The following AVEN variants were observed in gnomAD, a reference collection of about 807,000 sequenced individuals.
AVEN encodes apoptosis and caspase activation inhibitor.
AVEN carries 41 observed loss-of-function variants against 38.1 expected under a neutral mutation model. That is an observed-to-expected ratio of 1.08 (90% CI 0.84 to 1.40). The LOEUF (loss-of-function observed/expected upper bound fraction) is 1.40, where lower values mean the gene tolerates loss of function less well. Among genes scored for constraint, AVEN ranks in the 40% most tolerant of loss-of-function variants. The pLI is 0.00. For missense variants in AVEN, 605 were observed against 438.8 expected (o/e 1.38, Z -3.38); for synonymous variants, 206 against 171.8 (o/e 1.20, Z -1.56).
intron 2 of AVEN, chr15:33,991,090 TTA>T (rs1896701683): frequency 1.3e-5 from 2 of 151,594 alleles, no homozygotes; most frequent in African/African-American, 4.9e-5. Context: ...CATAATTATT[TTA>T]TGTCTAATCT....
intron 1 of AVEN, among the ~76,000 whole-genome samples, chr15:34,071,334 T>G (rs1900620290): frequency 6.6e-6 from 1 of 152,132 alleles, no homozygotes; most frequent in African/African-American, 2.4e-5. Flanking sequence ...TCACCTAGAG[T>G]GGAGTGCAAT....
chr15:33,904,714 T>TACACACACACACACAC (rs201939919), intron 2 of AVEN, among the ~76,000 whole-genome samples: 299 of 142,710 alleles, frequency 2.1e-3, no homozygotes, highest in African/African-American at 7.1e-3. Context: ...TATATATATA[T>TACACACACACACACAC]ATACACACAC....
intron 2 of AVEN, among the ~76,000 whole-genome samples, chr15:33,955,940 G>C (rs1894935112): frequency 6.6e-6 from 1 of 152,122 alleles, no homozygotes; most frequent in Non-Finnish European, 1.5e-5. Flanking sequence ...TTAAATTTAA[G>C]ACAACTGAAG....
At chr15:33,961,811 T>C (rs1366666990) in intron 2 of AVEN, among the ~76,000 whole-genome samples, 1 of 19,694 alleles carries the variant, frequency 5.1e-5, no homozygotes, top group African/African-American at 2.2e-4. Context: ...AGACTCTGTC[T>C]CAAAAAAAAA....
intron 2 of AVEN, among the ~76,000 whole-genome samples, chr15:33,913,674 CCT>C (rs1171127848): frequency 6.6e-6 from 1 of 152,048 alleles, no homozygotes; most frequent in African/African-American, 2.4e-5. Flanking sequence ...GAAAACCAGC[CCT>C]CTGAGTCATA....
rs1895858082 is a variant in AVEN at position 33,975,788 on chromosome 15, G to A, written c.445+27244C>T. Among the ~76,000 whole-genome samples, 8 of 152,236 alleles carry A rather than the reference G, an allele frequency of 5.3e-5. No individual in the cohort carries two copies. In the South Asian group the frequency reaches 1.7e-3, roughly 32 times the overall value. On this transcript the variant is annotated intron_variant, in intron 2 of 5. Transcript: ENST00000306730. ...CTACTGAGAATACAAAAATTAGCCGGGCGTGGTGGCACATGCCTGTAGTCC... is the reference window on the plus strand; with the variant it reads ...CTACTGAGAATACAAAAATTAGCCGAGCGTGGTGGCACATGCCTGTAGTCC...
chr15:33,990,125 A>G (rs1180038554), intron 2 of AVEN, among the ~76,000 whole-genome samples: 1 of 151,994 alleles, frequency 6.6e-6, no homozygotes, highest in Non-Finnish European at 1.5e-5. Context: ...AATCACTTGA[A>G]CCTGGGAGGC....
chr15:33,894,256 A>G (rs1567400682), intron 2 of AVEN, among the ~76,000 whole-genome samples: 1 of 151,986 alleles, frequency 6.6e-6, no homozygotes, highest in Non-Finnish European at 1.5e-5. Flanking sequence ...GACTGATGCC[A>G]AGAATTTTAA....
intron 2 of AVEN, among the ~76,000 whole-genome samples, chr15:33,932,746 AC>A (rs1399824091): frequency 1.3e-5 from 2 of 151,812 alleles, no homozygotes; most frequent in Non-Finnish European, 2.9e-5. Context: ...AATTGCTTGA[AC>A]CCTAGAGATG....
intron 2 of AVEN, among the ~76,000 whole-genome samples, chr15:33,971,499 A>G (rs1402493154): frequency 6.6e-6 from 1 of 152,080 alleles, no homozygotes; most frequent in Non-Finnish European, 1.5e-5. Flanking sequence ...AAATGAACAC[A>G]TCCATTTCGT....
chr15:33,964,394 G>A (rs1895310386), intron 2 of AVEN, among the ~76,000 whole-genome samples: 4 of 152,108 alleles, frequency 2.6e-5, no homozygotes, highest in Admixed American at 2.6e-4. Flanking sequence ...TGAAAAAAGT[G>A]GGTGCTATGG....
chr15:33,914,160 A>ACC (rs35840258), intron 2 of AVEN, among the ~76,000 whole-genome samples: 4,445 of 150,810 alleles, frequency 0.029, 258 homozygotes, highest in African/African-American at 0.1. Flanking sequence ...ATTTAATATA[A>ACC]CCCCCCCCCA....
upstream of AVEN, among the ~76,000 whole-genome samples, chr15:34,043,906 A>G (rs1899583366): frequency 3.3e-5 from 5 of 152,214 alleles, no homozygotes; most frequent in South Asian, 8.3e-4. Flanking sequence ...TCCTGTTAGT[A>G]TAGAGGGGTC....
chr15:33,957,405 A>G (rs1459415452), intron 2 of AVEN, among the ~76,000 whole-genome samples: 1 of 152,224 alleles, frequency 6.6e-6, no homozygotes, highest in African/African-American at 2.4e-5. Context: ...ATTTGACTAC[A>G]TTACAACCAC....
At chr15:33,968,087 C>A (rs1164966315) in intron 2 of AVEN, among the ~76,000 whole-genome samples, 2 of 28,802 alleles carry the variant, frequency 6.9e-5, no homozygotes, top group Non-Finnish European at 1.1e-4. Flanking sequence ...GTGAATAATG[C>A]CTAGCAAAGC....
chr15:33,986,092 AT>A (rs373045011), intron 2 of AVEN, among the ~76,000 whole-genome samples: 140,840 of 150,900 alleles, frequency 0.93, 66,313 homozygotes, highest in Non-Finnish European at 1. Flanking sequence ...TTCACTGTAA[AT>A]TTTTTTTTTT....
At chr15:33,871,957 G>A (rs1317896877) in intron 3 of AVEN, among the ~76,000 whole-genome samples, 2 of 152,232 alleles carry the variant, frequency 1.3e-5, no homozygotes, top group Non-Finnish European at 2.9e-5. Context: ...TCAGCATTTT[G>A]TACATGTTTT....
chr15:33,955,096 T>C (rs1238912710), intron 2 of AVEN, among the ~76,000 whole-genome samples: 5 of 152,240 alleles, frequency 3.3e-5, no homozygotes, highest in African/African-American at 9.6e-5. Flanking sequence ...ATTGTCTTTT[T>C]TGTTTTAATT....
chr15:33,981,700 C>T (rs1041159003), intron 2 of AVEN, among the ~76,000 whole-genome samples: 2 of 152,174 alleles, frequency 1.3e-5, no homozygotes, highest in African/African-American at 4.8e-5. Flanking sequence ...TTATGTGATC[C>T]TTGTTACCTA....
Sources: allele counts gnomAD v4.1 joint callset (sites outside exome capture counted in the v4.1 genomes callset), GRCh38; gene constraint gnomAD v4.1.1; transcripts MANE v1.5; gene names NCBI Gene and HGNC (gene_info 2026-07-23, HGNC 2026-07-21).